Variants in ANO6 observed in about 807,000 individuals in gnomAD.
ANO6 encodes anoctamin 6, also known as anoctamin-6.
ANO6 carries 106 observed loss-of-function variants against 117.5 expected under a neutral mutation model. The observed-to-expected ratio is 0.90, with a 90% CI of 0.77 to 1.06. The LOEUF (loss-of-function observed/expected upper bound fraction) is 1.06, where lower values mean the gene tolerates loss of function less well. Ranked by LOEUF, ANO6 falls within the 50% of genes least tolerant of loss-of-function variation. The pLI, the probability that ANO6 is intolerant of heterozygous loss-of-function variation, is 0.00. For synonymous variants in ANO6, 367 were observed against 385.1 expected (o/e 0.95, Z 0.55); for missense variants, 955 against 1,121.1 (o/e 0.85, Z 2.12).
chr12:45,321,932 C>A (rs934187658), intron 2 of ANO6, among the ~76,000 whole-genome samples: 2 of 152,120 alleles, frequency 1.3e-5, no homozygotes, highest in African/African-American at 2.4e-5. Context: ...CCATCAAGAA[C>A]ATTCTTAAGG....
chr12:45,402,593 A>C (rs970109559), intron 13 of ANO6, among the ~76,000 whole-genome samples: 1 of 152,236 alleles, frequency 6.6e-6, no homozygotes, highest in African/African-American at 2.4e-5. Context: ...AAATGATCAA[A>C]CTGATGCAAA....
chr12:45,403,478 C>A lies in ANO6; in HGVS notation c.1822C>A (p.Leu608Met), dbSNP rs745972758. The A allele has an allele frequency of 1.2e-6, 2 of 1,613,918 alleles. No homozygotes were observed. The highest frequency in any genetic ancestry group is 1.7e-6 in the Non-Finnish European group (2 of 1,179,838). ...GGCLLELTTQLTIIMGGKAIW... is the reference protein window; with the variant it reads ...GGCLLELTTQMTIIMGGKAIW... ...CTGTCTTCTTGAACTGACAACTCAG[C>A]TGACAATAATCATGGGAGGAAAAGC... The change falls in exon 15 of 20, where the codon CTG becomes ATG. Residue 608 changes from leucine to methionine, a missense_variant. By Grantham distance (15) the Leu-to-Met change is conservative. Coordinates refer to ENST00000320560, the MANE Select transcript of ANO6 (RefSeq NM_001025356.3).
intron 8 of ANO6, among the ~76,000 whole-genome samples, chr12:45,364,647 C>A (rs1012514455): frequency 6.6e-6 from 1 of 151,960 alleles, no homozygotes; most frequent in Non-Finnish European, 1.5e-5. Context: ...TTAATAATTC[C>A]TATCTCTATT....
At chr12:45,357,465 A>G in intron 8 of ANO6, 41 bp downstream of exon 8, 1 of 1,610,854 alleles carries the variant, frequency 6.2e-7, no homozygotes, top group East Asian at 2.2e-5. Context: ...TGAAAAGTTT[A>G]TTAGACATAA....
At chr12:45,328,142 C>T (rs902247281) in intron 2 of ANO6, among the ~76,000 whole-genome samples, 11 of 152,074 alleles carry the variant, frequency 7.2e-5, no homozygotes, top group Admixed American at 5.3e-4. Context: ...GCTCCTTTTC[C>T]ACTGTGCTTC....
chr12:45,306,479 T>A (rs1245781069), intron 2 of ANO6, among the ~76,000 whole-genome samples: 2 of 152,162 alleles, frequency 1.3e-5, no homozygotes, highest in Non-Finnish European at 2.9e-5. Context: ...TATGTCCCAT[T>A]AATTAAGTGT....
chr12:45,221,316 G>A (rs1457993916), intron 1 of ANO6, among the ~76,000 whole-genome samples: 1 of 152,112 alleles, frequency 6.6e-6, no homozygotes, highest in African/African-American at 2.4e-5. Context: ...TGCAATAAAA[G>A]GTACATATAA....
chr12:45,221,039 C>T (rs1033493407), intron 1 of ANO6, among the ~76,000 whole-genome samples: 2 of 150,290 alleles, frequency 1.3e-5, no homozygotes, highest in African/African-American at 5.0e-5. Flanking sequence ...CAACCTGGGG[C>T]CTGTGATTGG....
At chr12:45,359,003 C>T (rs1478997813) in intron 8 of ANO6, among the ~76,000 whole-genome samples, 2 of 152,088 alleles carry the variant, frequency 1.3e-5, no homozygotes, top group African/African-American at 4.8e-5. Flanking sequence ...AGGCTGGTCT[C>T]GAACTCCTGA....
At chr12:45,370,443 T>G (rs528649204) in intron 9 of ANO6, among the ~76,000 whole-genome samples, 5 of 152,210 alleles carry the variant, frequency 3.3e-5, no homozygotes, top group Non-Finnish European at 5.9e-5. Flanking sequence ...ACAGATGTGT[T>G]TCCATTGACA....
chr12:45,230,697 A>G (rs1947561205), intron 1 of ANO6, among the ~76,000 whole-genome samples: 1 of 152,124 alleles, frequency 6.6e-6, no homozygotes, highest in Non-Finnish European at 1.5e-5. Context: ...TAAAGAAAAT[A>G]TCTATGGAAT....
Position 45,431,963 on chromosome 12 carries a change from A to AGG in ANO6, c.*2654_*2655dup. ...ATAATTTAGCTATATATCATTAGAA[A>AGG]GGGAAAGCTATCATTTTTATTTTAA... On this transcript the variant is annotated 3_prime_UTR_variant, in exon 20 of 20. Coordinates refer to ENST00000320560, the MANE Select transcript of ANO6 (RefSeq NM_001025356.3). 1.0e-6 allele frequency: 1 copy of AGG among 985,372 alleles called. No individual in the cohort carries two copies. The highest frequency in any genetic ancestry group is 1.2e-6 in the Non-Finnish European group (1 of 829,842). 61.0% of individuals were successfully genotyped at this position (985,372 alleles called of 1,614,324 possible).
intron 1 of ANO6, among the ~76,000 whole-genome samples, chr12:45,221,610 T>C (rs1488895554): frequency 6.6e-6 from 1 of 152,182 alleles, no homozygotes; most frequent in Non-Finnish European, 1.5e-5. Context: ...TAGCACGTTC[T>C]AAAATGGGTT....
At chr12:45,248,869 A>G (rs1336229126) in intron 1 of ANO6, among the ~76,000 whole-genome samples, 1 of 152,246 alleles carries the variant, frequency 6.6e-6, no homozygotes, top group Non-Finnish European at 1.5e-5. Flanking sequence ...TCTCCAATTC[A>G]GAGATACCTG....
chr12:45,329,166 A>C (rs922757158), intron 2 of ANO6, among the ~76,000 whole-genome samples: 5 of 152,328 alleles, frequency 3.3e-5, no homozygotes, highest in African/African-American at 1.2e-4. Context: ...ATCTTGGACA[A>C]ATAATTTAAC....
rs557201773 is a variant in ANO6 at position 45,248,016 on chromosome 12, C to G, written c.70+31625C>G. ...ATGAATTTTATAATCTATATTGTCT[C>G]ATTTCTATGAGTTTTGTTTCATTCA... On this transcript the variant is annotated intron_variant, in intron 1 of 19. Transcript: ENST00000320560. 3.9e-4 allele frequency among the ~76,000 whole-genome samples: 59 copies of G among 152,210 alleles called. 1 individual carries two copies. Among genetic ancestry groups the G allele is most frequent in the Non-Finnish European group, 3.2e-4 (22 of 68,034 alleles).
At chr12:45,264,301 G>C (rs1019584) in intron 1 of ANO6, among the ~76,000 whole-genome samples, 143,615 of 152,284 alleles carry the variant, frequency 0.94, 68,309 homozygotes, top group East Asian at 1. Context: ...TAATGCCTGT[G>C]AACTGGAAAT....
In ANO6 at chr12:45,378,114, G is replaced by T. The variant is rs1434709733; in HGVS notation, c.1165+1G>T. 6.3e-7 allele frequency: 1 copy of T among 1,581,146 alleles called. No individual in the cohort carries two copies. On this transcript the variant is annotated splice_donor_variant, in intron 10 of 19. Transcript: ENST00000320560. LOFTEE classifies it high-confidence loss of function. ...TTTGCAGTATTTATGGGAGTATGGGGTAAGTTTTTTTTTTTTTTTTCATGC... is the reference window on the plus strand; with the variant it reads ...TTTGCAGTATTTATGGGAGTATGGGTTAAGTTTTTTTTTTTTTTTTCATGC...
intron 12 of ANO6, among the ~76,000 whole-genome samples, chr12:45,395,545 G>A (rs1593061486): frequency 6.6e-6 from 1 of 152,090 alleles, no homozygotes; most frequent in East Asian, 1.9e-4. Context: ...CAAAAAAAGA[G>A]AATTTTAGGC....
Sources: allele counts gnomAD v4.1 joint callset (sites outside exome capture counted in the v4.1 genomes callset), GRCh38; gene constraint gnomAD v4.1.1; transcripts MANE v1.5; gene names NCBI Gene and HGNC (gene_info 2026-07-23, HGNC 2026-07-21).